The following CLSTN2 variants were observed in gnomAD, a reference collection of about 807,000 sequenced individuals.
CLSTN2 encodes the protein calsyntenin-2.
Under a neutral mutation model 101.2 loss-of-function variants are expected in CLSTN2, and 48 were observed. That is an observed-to-expected ratio of 0.47 (90% confidence interval 0.38 to 0.60). The LOEUF (loss-of-function observed/expected upper bound fraction) is 0.60. Ranked by LOEUF, CLSTN2 falls within the 20% of genes least tolerant of loss-of-function variation. The pLI is 0.00. For synonymous variants in CLSTN2, 481 were observed against 463.6 expected, an observed-to-expected ratio of 1.04 and a Z score of -0.48; for missense variants, 1,160 against 1,238.2, an observed-to-expected ratio of 0.94 and a Z score of 0.95.
At chr3:140,420,039 T>C (rs964223865) in intron 4 of CLSTN2, among the ~76,000 whole-genome samples, 23 of 150,396 alleles carry the variant, frequency 1.5e-4, no homozygotes, top group Non-Finnish European at 3.0e-4. Context: ...AGTACAGATG[T>C]GTACCATCAC....
intron 1 of CLSTN2, among the ~76,000 whole-genome samples, chr3:140,169,358 T>C (rs1489643997): frequency 1.3e-5 from 2 of 152,174 alleles, no homozygotes; most frequent in African/African-American, 4.8e-5. Context: ...TCCTAAACTC[T>C]TATTAGTTCT....
At chr3:140,459,806 C>T in intron 7 of CLSTN2, 37 bp downstream of exon 7, 1 of 1,587,454 alleles carries the variant, frequency 6.3e-7, no homozygotes. Flanking sequence ...CCCTCCTACC[C>T]CAGCAGCTGC....
At chr3:140,224,383 A>G (rs2086301119) in intron 2 of CLSTN2, among the ~76,000 whole-genome samples, 1 of 152,208 alleles carries the variant, frequency 6.6e-6, no homozygotes, top group South Asian at 2.1e-4. Flanking sequence ...TCTGGTTATT[A>G]TTTTTTAGTC....
chr3:139,998,537 G>T lies in CLSTN2; in HGVS notation c.109+63054G>T, dbSNP rs959119614. 6.9e-5 allele frequency among the ~76,000 whole-genome samples: 9 copies of T among 130,376 alleles called. No homozygotes were observed. The South Asian group carries it at 2.3e-3, about 33-fold the overall frequency. The allele number at this position is 130,376 out of a possible 152,430, so 85.5% of individuals were successfully genotyped here. A position where few individuals can be genotyped will look rare whatever the true frequency, so the allele number is the denominator to read the frequency against. On this transcript the variant is annotated intron_variant, in intron 1 of 16. Transcript: ENST00000458420. The stretch of plus-strand genomic sequence containing the variant: ...TTTTTTGTATTTTTAGTAGAGACGG[G>T]GTTTCACCGTGTTTGCCAGGATGGT...
intron 11 of CLSTN2, among the ~76,000 whole-genome samples, chr3:140,557,532 G>C (rs61198337): frequency 0.046 from 6,949 of 152,254 alleles, 532 homozygotes; most frequent in African/African-American, 0.16. Flanking sequence ...CTGAGACCAG[G>C]CTTCTGCAAA....
At chr3:140,104,974 G>T (rs1011914625) in intron 1 of CLSTN2, among the ~76,000 whole-genome samples, 1 of 140,320 alleles carries the variant, frequency 7.1e-6, no homozygotes, top group Non-Finnish European at 1.5e-5. Context: ...CCAAGACTTT[G>T]TCTCAAAAAT....
At chr3:140,325,857 G>C (rs964816764) in intron 2 of CLSTN2, among the ~76,000 whole-genome samples, 2 of 152,144 alleles carry the variant, frequency 1.3e-5, no homozygotes, top group Non-Finnish European at 2.9e-5. Context: ...GGACGCGTCA[G>C]GTTATAAATG....
chr3:140,561,877 C>T (rs1935922214), intron 12 of CLSTN2, among the ~76,000 whole-genome samples: 1 of 152,174 alleles, frequency 6.6e-6, no homozygotes, highest in Non-Finnish European at 1.5e-5. Context: ...TTCTCAGTGG[C>T]AGAGCTGGTA....
In CLSTN2 at chr3:140,131,590, G is replaced by A. The variant is rs191583749; in HGVS notation, c.110-44361G>A. ...TGGTGGCAACAGGCAGACCTACTTC[G>A]GCTGATTTCTAGCCTGATTTTAACT... is the stretch of plus-strand genomic sequence containing the variant. On this transcript the variant is annotated intron_variant, in intron 1 of 16. Transcript: ENST00000458420. Among the ~76,000 whole-genome samples the A allele has an allele frequency of 2.4e-3, 370 of 152,114 alleles. 2 individuals are homozygous for A. Among genetic ancestry groups the A allele is most frequent in the African/African-American group, 7.4e-3 (305 of 41,492 alleles).
rs541528923 is a variant in CLSTN2, at chr3:140,335,898, G to A, written c.233-67731G>A. On this transcript the variant is annotated intron_variant, in intron 2 of 16. Transcript: ENST00000458420. ...GTGGAGAGGTGGAGTGTCCCTAATG[G>A]CCTTCTTTCATCTCATCTGCACTGC... Among the ~76,000 whole-genome samples the A allele has an allele frequency of 4.6e-5, 7 of 152,248 alleles. No homozygotes were observed. In the South Asian group the frequency reaches 1.2e-3, roughly 27 times the overall value.
rs553222969 is a variant in CLSTN2 at position 140,547,050 on chromosome 3, T to C, written c.1674+369T>C. The stretch of plus-strand genomic sequence containing the variant: ...GAACCAAAGGATGCAAGGATGCACA[T>C]AAAAAGTAAACAAAAACTTAGGACC... On this transcript the variant is annotated intron_variant, in intron 10 of 16. Coordinates refer to ENST00000458420, the MANE Select transcript of CLSTN2 (RefSeq NM_022131.3). 5.9e-5 allele frequency among the ~76,000 whole-genome samples: 9 copies of C among 152,296 alleles called. No individual in the cohort carries two copies. The South Asian group carries it at 1.9e-3, about 32-fold the overall frequency.
At chr3:140,509,369 G>C (rs1179962772) in intron 8 of CLSTN2, among the ~76,000 whole-genome samples, 1 of 152,156 alleles carries the variant, frequency 6.6e-6, no homozygotes, top group East Asian at 1.9e-4. Flanking sequence ...CCTGCTCCTG[G>C]AGTTTCTGAT....
intron 2 of CLSTN2, among the ~76,000 whole-genome samples, chr3:140,268,891 G>A (rs1189377723): frequency 6.6e-6 from 1 of 152,182 alleles, no homozygotes; most frequent in Admixed American, 6.5e-5. Context: ...TACCTTGATT[G>A]CTGTGATCGG....
chr3:140,226,993 G>T (rs1027581762), intron 2 of CLSTN2, among the ~76,000 whole-genome samples: 8 of 152,110 alleles, frequency 5.3e-5, no homozygotes, highest in Non-Finnish European at 1.0e-4. Context: ...TGAGATTTGG[G>T]TGGGGACACA....
intron 2 of CLSTN2, among the ~76,000 whole-genome samples, chr3:140,228,743 C>A (rs2086345690): frequency 6.6e-6 from 1 of 152,188 alleles, no homozygotes; most frequent in African/African-American, 2.4e-5. Flanking sequence ...TCATGTCTTA[C>A]ATGGATGGCT....
intron 1 of CLSTN2, among the ~76,000 whole-genome samples, chr3:139,948,197 A>C (rs2107809169): frequency 6.6e-6 from 1 of 152,220 alleles, no homozygotes; most frequent in Non-Finnish European, 1.5e-5. Context: ...GCTCCCTGGA[A>C]GCCACTCCTT....
At chr3:140,523,582 G>A (rs908328308) in intron 8 of CLSTN2, among the ~76,000 whole-genome samples, 1 of 152,142 alleles carries the variant, frequency 6.6e-6, no homozygotes, top group African/African-American at 2.4e-5. Flanking sequence ...CATTGTATAT[G>A]CCTTACTTAG....
intron 2 of CLSTN2, among the ~76,000 whole-genome samples, chr3:140,356,156 G>T (rs962822258): frequency 3.3e-5 from 5 of 152,122 alleles, no homozygotes; most frequent in African/African-American, 1.2e-4. Context: ...AGAGGGAAGA[G>T]ACTGGCCAGC....
intron 1 of CLSTN2, among the ~76,000 whole-genome samples, chr3:140,117,040 G>C (rs952237286): frequency 6.6e-6 from 1 of 152,192 alleles, no homozygotes; most frequent in African/African-American, 2.4e-5. Context: ...CGGGCTGGGA[G>C]GGGGACAGTT....
Sources: gnomAD v4.1 joint callset for allele counts (sites outside exome capture counted in the v4.1 genomes callset) on GRCh38, gnomAD v4.1.1 for gene constraint, MANE v1.5 for transcripts, NCBI Gene and HGNC (gene_info 2026-07-23, HGNC 2026-07-21) for gene names.